The following RBFOX1 variants were observed in gnomAD, a reference collection of about 807,000 sequenced individuals.
RBFOX1 encodes RNA binding protein fox-1 homolog 1.
Under a neutral mutation model 57.7 loss-of-function variants are expected in RBFOX1, and 8 were observed. The observed-to-expected ratio is 0.14, with a 90% CI of 0.08 to 0.25. The LOEUF (loss-of-function observed/expected upper bound fraction) is 0.25, where lower values mean the gene tolerates loss of function less well. RBFOX1 is among the 10% of genes least tolerant of loss of function. The probability of loss-of-function intolerance (pLI) is 1.00; values close to 1 mark genes in which losing one functional copy is unlikely to be tolerated. For missense variants in RBFOX1, 611 were observed against 548.5 expected (o/e 1.11, Z -1.14); for synonymous variants, 326 against 222.4 (o/e 1.47, Z -4.15).
chr16:6,773,467 G>T (rs2078774512), intron 3 of RBFOX1, among the ~76,000 whole-genome samples: 1 of 147,412 alleles, frequency 6.8e-6, no homozygotes. Context: ...AATTGTGTGT[G>T]TATGTGTGGG....
At chr16:6,526,228 C>G (rs1311743741) in intron 2 of RBFOX1, among the ~76,000 whole-genome samples, 3 of 152,182 alleles carry the variant, frequency 2.0e-5, no homozygotes, top group Non-Finnish European at 2.9e-5. Flanking sequence ...GGGGCTCACC[C>G]CAATGTTTCT....
chr16:6,574,110 CTT>C (rs2097386522), intron 2 of RBFOX1, among the ~76,000 whole-genome samples: 1 of 152,180 alleles, frequency 6.6e-6, no homozygotes. Flanking sequence ...GAGGGAAACA[CTT>C]GAGCTGCACA....
intron 4 of RBFOX1, among the ~76,000 whole-genome samples, chr16:5,909,542 G>A (rs185921660): frequency 1.8e-4 from 28 of 152,310 alleles, no homozygotes; most frequent in South Asian, 1.7e-3. Flanking sequence ...CAGGAGGCAC[G>A]GTTTATAGAC....
At chr16:7,467,714 C>G (rs534036220) in intron 4 of RBFOX1, among the ~76,000 whole-genome samples, 7 of 152,220 alleles carry the variant, frequency 4.6e-5, no homozygotes, top group Non-Finnish European at 1.0e-4. Flanking sequence ...TCGGATCTGT[C>G]TACTGGGACA....
intron 1 of RBFOX1, among the ~76,000 whole-genome samples, chr16:6,240,731 A>G (rs936649486): frequency 1.3e-5 from 2 of 152,154 alleles, no homozygotes; most frequent in Non-Finnish European, 2.9e-5. Context: ...CATTTGCAGA[A>G]CACTGACGTC....
intron 1 of RBFOX1, among the ~76,000 whole-genome samples, chr16:5,307,021 T>C (rs1207932035): frequency 1.3e-5 from 2 of 151,998 alleles, no homozygotes; most frequent in Non-Finnish European, 2.9e-5. Context: ...TGCAGAAATA[T>C]GAAATTACTA....
intron 2 of RBFOX1, among the ~76,000 whole-genome samples, chr16:6,613,126 C>G (rs145680233): frequency 1.4e-4 from 21 of 151,928 alleles, no homozygotes; most frequent in African/African-American, 4.1e-4. Context: ...TTTGCACTCG[C>G]GGTGCATGTG....
intron 4 of RBFOX1, among the ~76,000 whole-genome samples, chr16:7,383,771 G>T (rs2148070685): frequency 6.6e-6 from 1 of 152,250 alleles, no homozygotes; most frequent in Admixed American, 6.5e-5. Flanking sequence ...AGTATCCCAA[G>T]TATGGCCTGG....
At chr16:6,121,345 CT>C (rs2096547621) in intron 1 of RBFOX1, among the ~76,000 whole-genome samples, 1 of 152,186 alleles carries the variant, frequency 6.6e-6, no homozygotes, top group Non-Finnish European at 1.5e-5. Context: ...ACAAGCTGGC[CT>C]GTCTACATGG....
intron 4 of RBFOX1, among the ~76,000 whole-genome samples, chr16:7,127,954 A>C (rs1007250873): frequency 5.3e-5 from 8 of 152,188 alleles, no homozygotes; most frequent in African/African-American, 1.7e-4. Context: ...CACAACTGCA[A>C]AGGTCCGAAA....
Position 5,574,772 on chromosome 16 carries a change from T to C in RBFOX1, c.259-24130T>C, listed in dbSNP as rs186577774. On this transcript the variant is annotated intron_variant, in intron 2 of 2. Transcript: ENST00000585867. ...TCTGTGCATCTCTGAGGTCCATTTCTCGGGAAACCTGGGGGCTTACAGTGA... is the reference window on the plus strand; with the variant it reads ...TCTGTGCATCTCTGAGGTCCATTTCCCGGGAAACCTGGGGGCTTACAGTGA... Among the ~76,000 whole-genome samples, 7 of 152,288 alleles carry C rather than the reference T, an allele frequency of 4.6e-5. No homozygotes were observed. In the East Asian group the frequency reaches 5.8e-4, roughly 13 times the overall value.
intron 4 of RBFOX1, among the ~76,000 whole-genome samples, chr16:5,956,675 TATA>T (rs1567189857): frequency 1.4e-5 from 1 of 71,468 alleles, no homozygotes; most frequent in Non-Finnish European, 2.4e-5. Context: ...TATATATATA[TATA>T]TTTTTTTTGA....
intron 2 of RBFOX1, among the ~76,000 whole-genome samples, chr16:6,606,061 A>G (rs1208009449): frequency 2.0e-5 from 3 of 152,124 alleles, no homozygotes; most frequent in African/African-American, 4.8e-5. Context: ...ATGAGCCGAG[A>G]TCACGCCCCT....
At chr16:5,840,740 G>A (rs925747485) in intron 3 of RBFOX1, among the ~76,000 whole-genome samples, 1 of 152,154 alleles carries the variant, frequency 6.6e-6, no homozygotes, top group Non-Finnish European at 1.5e-5. Context: ...ACAGCACACT[G>A]GCTTTAGCAT....
chr16:6,617,125 G>C (rs1049725252), intron 2 of RBFOX1, among the ~76,000 whole-genome samples: 4 of 152,044 alleles, frequency 2.6e-5, no homozygotes, highest in Admixed American at 2.6e-4. Flanking sequence ...GAAGACGTAA[G>C]ACTTAAGTGG....
chr16:7,322,623 A>G lies in RBFOX1; in HGVS notation c.28-195524A>G, dbSNP rs116828449. Among the ~76,000 whole-genome samples the G allele has an allele frequency of 5.1e-3, 771 of 152,294 alleles. 4 individuals carry two copies. Among genetic ancestry groups the G allele is most frequent in the African/African-American group, 0.018 (731 of 41,568 alleles). Reference sequence around the variant, plus strand: ...GGAATATTTGGGGAGTTACATGCGCAGTTTTCTGGGATGAGGGCACAATTC... The same window carrying G: ...GGAATATTTGGGGAGTTACATGCGCGGTTTTCTGGGATGAGGGCACAATTC... On this transcript the variant is annotated intron_variant, in intron 4 of 15. Coordinates refer to ENST00000550418, the MANE Select transcript of RBFOX1 (RefSeq NM_018723.4).
intron 1 of RBFOX1, among the ~76,000 whole-genome samples, chr16:6,147,274 T>C (rs2096765511): frequency 6.6e-6 from 1 of 152,206 alleles, no homozygotes; most frequent in Non-Finnish European, 1.5e-5. Context: ...TGATTGTTTT[T>C]CATACTTTTC....
chr16:7,227,285 A>ACCC (rs1284183490), intron 4 of RBFOX1, among the ~76,000 whole-genome samples: 1,448 of 72,922 alleles, frequency 0.02, 38 homozygotes, highest in East Asian at 0.053. Flanking sequence ...CACACACCCC[A>ACCC]CCCCACCCCC....
At chr16:7,373,891 C>G (rs1052300782) in intron 4 of RBFOX1, among the ~76,000 whole-genome samples, 2 of 152,136 alleles carry the variant, frequency 1.3e-5, no homozygotes, top group African/African-American at 4.8e-5. Context: ...CATTCTCATT[C>G]CACTCAAATC....
Sources: allele counts gnomAD v4.1 joint callset (sites outside exome capture counted in the v4.1 genomes callset), GRCh38; gene constraint gnomAD v4.1.1; transcripts MANE v1.5; gene names NCBI Gene and HGNC (gene_info 2026-07-23, HGNC 2026-07-21).